DNAH6: variants seen among roughly 807,000 people sequenced by gnomAD.
DNAH6 encodes the protein dynein axonemal heavy chain 6.
Under a neutral mutation model 491.4 loss-of-function variants are expected in DNAH6, and 340 were observed. That is an observed-to-expected ratio of 0.69 (90% confidence interval 0.63 to 0.76). The LOEUF is 0.76. DNAH6 is among the 30% of genes least tolerant of loss of function. DNAH6 has a pLI of 0.00. For synonymous variants in DNAH6, 1,603 were observed against 1,686.1 expected, an observed-to-expected ratio of 0.95 and a Z score of 1.21; for missense variants, 4,443 against 4,972.2, an observed-to-expected ratio of 0.89 and a Z score of 3.20.
At position 84,621,438 on chromosome 2, in the gene DNAH6, G is replaced by A. The variant is rs1407686076; in HGVS notation, c.3958G>A (p.Val1320Ile). ...DWVVAGHPSQ[V>I]ILTVSQIMWC... Reference sequence around the variant, plus strand: ...ATTTAAGAAACATGTTTTCTTGCAGGTTATCCTGACTGTTTCTCAAATTAT... The same window carrying A: ...ATTTAAGAAACATGTTTTCTTGCAGATTATCCTGACTGTTTCTCAAATTAT... The change falls in exon 26 of 77, where the codon GTT becomes ATT. Residue 1320 changes from valine (V) to isoleucine (I), a missense_variant and splice_region_variant. Val to Ile is a conservative substitution (Grantham distance 29). Transcript: ENST00000389394. 2 of 1,541,602 alleles carry A rather than the reference G, an allele frequency of 1.3e-6. No individual in the cohort carries two copies. Among genetic ancestry groups the A allele is most frequent in the South Asian group, 2.4e-5 (2 of 83,882 alleles).
intron 68 of DNAH6, among the ~76,000 whole-genome samples, chr2:84,795,030 G>C (rs1483045744): frequency 2.7e-5 from 4 of 149,390 alleles, no homozygotes; most frequent in Admixed American, 2.7e-4. Context: ...CCTTTGTAGG[G>C]ACATGGATGA....
intron 20 of DNAH6, 98 bp from the exon 21 acceptor site, chr2:84,606,878 G>A: frequency 1.6e-6 from 2 of 1,279,588 alleles, no homozygotes; most frequent in East Asian, 2.6e-5. Flanking sequence ...AATTCAAAGA[G>A]TTGACTTTTA....
intron 21 of DNAH6, among the ~76,000 whole-genome samples, chr2:84,610,989 A>T (rs1686267573): frequency 6.6e-6 from 1 of 152,186 alleles, no homozygotes; most frequent in Admixed American, 6.5e-5. Context: ...TGGTTGTAAC[A>T]TTTGGGCTTA....
At chr2:84,818,803 G>A (rs182257769) in intron 76 of DNAH6, among the ~76,000 whole-genome samples, 15 of 152,364 alleles carry the variant, frequency 9.8e-5, no homozygotes, top group African/African-American at 3.6e-4. Context: ...GCTGGGTGCA[G>A]TGGCTCATGC....
At chr2:84,506,098 A>T in the DNAH6 span, among the ~76,000 whole-genome samples, 14 of 152,200 alleles carry the variant, frequency 9.2e-5, no homozygotes, top group African/African-American at 3.4e-4. Context: ...TGGGACAAAT[A>T]GTATTTCTAG....
chr2:84,506,748 G>A, the DNAH6 span, among the ~76,000 whole-genome samples: 1 of 152,108 alleles, frequency 6.6e-6, no homozygotes, highest in African/African-American at 2.4e-5. Context: ...TTTGTATAAG[G>A]TGTAAGGAAG....
the DNAH6 span, among the ~76,000 whole-genome samples, chr2:84,469,982 C>G: frequency 6.6e-6 from 1 of 152,080 alleles, no homozygotes; most frequent in Admixed American, 6.6e-5. The surrounding 1 kb of genome is among the most constrained non-coding windows in gnomAD (Gnocchi z 4.0). Flanking sequence ...GGGCCTCTAA[C>G]CCACTCTGTC....
At chr2:84,802,318 C>A (rs1432176185) in intron 70 of DNAH6, among the ~76,000 whole-genome samples, 2 of 152,274 alleles carry the variant, frequency 1.3e-5, no homozygotes, top group Admixed American at 6.5e-5. Context: ...AGAGACCCAT[C>A]TCACATGTAA....
intron 56 of DNAH6, among the ~76,000 whole-genome samples, chr2:84,710,840 T>G (rs1696971452): frequency 6.6e-6 from 1 of 151,140 alleles, no homozygotes; most frequent in African/African-American, 2.4e-5. Flanking sequence ...TAGATAAGAA[T>G]TAACTTTTGT....
chr2:84,527,882 T>C (rs950870666), intron 3 of DNAH6, among the ~76,000 whole-genome samples: 6 of 152,202 alleles, frequency 3.9e-5, no homozygotes, highest in African/African-American at 1.2e-4. Flanking sequence ...GCTATGTTAA[T>C]AGGCAATAAA....
At chr2:84,637,473 C>T in intron 31 of DNAH6, 96 bp downstream of exon 31, 1 of 1,275,168 alleles carries the variant, frequency 7.8e-7, no homozygotes, top group Non-Finnish European at 1.0e-6. Context: ...TATGAATGCC[C>T]CTATTAATGG....
At chr2:84,740,706 G>C (rs1452342556) in intron 62 of DNAH6, among the ~76,000 whole-genome samples, 1 of 152,166 alleles carries the variant, frequency 6.6e-6, no homozygotes, top group East Asian at 1.9e-4. Context: ...CAAGGAAACA[G>C]GCTGGGACAC....
At chr2:84,716,515 G>A (rs1175629645) in intron 58 of DNAH6, among the ~76,000 whole-genome samples, 1 of 152,032 alleles carries the variant, frequency 6.6e-6, no homozygotes, top group Non-Finnish European at 1.5e-5. Flanking sequence ...TGTCACTAAT[G>A]AGCTTAAGTC....
chr2:84,659,528 A>G (rs1691284497), intron 37 of DNAH6, among the ~76,000 whole-genome samples: 1 of 152,216 alleles, frequency 6.6e-6, no homozygotes, highest in African/African-American at 2.4e-5. Flanking sequence ...TTGACTAAAT[A>G]AGTAAATATG....
At chr2:84,640,381 T>C in intron 31 of DNAH6, 49 bp from the exon 32 acceptor site, 1 of 1,184,526 alleles carries the variant, frequency 8.4e-7, no homozygotes, top group South Asian at 1.5e-5. Flanking sequence ...TGCTAATACA[T>C]TGTTATCAAT....
At position 84,564,787 on chromosome 2, in the gene DNAH6, T is replaced by G. The variant is rs562912674; in HGVS notation, c.1803+6852T>G. On this transcript the variant is annotated intron_variant, in intron 11 of 76. Transcript: ENST00000389394. ...ATTCTAGGTCTCAAGGGGAATGGTT[T>G]CAACTTTTGCCCATGCAGTATGATG... is the stretch of plus-strand genomic sequence containing the variant. 3.9e-5 allele frequency among the ~76,000 whole-genome samples: 6 copies of G among 152,274 alleles called. No individual in the cohort carries two copies. The East Asian group carries it at 9.6e-4, about 24-fold the overall frequency.
chr2:84,565,095 A>T (rs1413278827), intron 11 of DNAH6, among the ~76,000 whole-genome samples: 1 of 152,010 alleles, frequency 6.6e-6, no homozygotes, highest in Non-Finnish European at 1.5e-5. Context: ...GTTCACTAGG[A>T]TTTTGTTAAG....
chr2:84,508,077 C>T, the DNAH6 span, among the ~76,000 whole-genome samples: 1 of 152,152 alleles, frequency 6.6e-6, no homozygotes, highest in Non-Finnish European at 1.5e-5. Flanking sequence ...TGATACTGGC[C>T]TCATAAAATG....
At chr2:84,616,841 G>T (rs748546699) in intron 22 of DNAH6, 45 bp from the exon 23 acceptor site, 13 of 1,052,528 alleles carry the variant, frequency 1.2e-5, no homozygotes, top group South Asian at 2.1e-5. Context: ...AAAAAAATTT[G>T]ATTTTAACAC....
Sources: gnomAD v4.1 joint callset for allele counts (sites outside exome capture counted in the v4.1 genomes callset) on GRCh38, gnomAD v4.1.1 for gene constraint, Gnocchi (gnomAD v3.1) non-coding constraint, MANE v1.5 for transcripts, NCBI Gene and HGNC (gene_info 2026-07-23, HGNC 2026-07-21) for gene names.